PLCG2: variants seen among roughly 807,000 people sequenced by gnomAD.
The protein encoded by PLCG2 is 1-phosphatidylinositol 4,5-bisphosphate phosphodiesterase gamma-2.
Under a neutral mutation model 175.6 loss-of-function variants are expected in PLCG2, and 69 were observed. That is an observed-to-expected ratio of 0.39 (90% confidence interval 0.32 to 0.48). The LOEUF is 0.48. Among genes scored for constraint, PLCG2 ranks in the 20% least tolerant of loss-of-function variants. The probability of loss-of-function intolerance (pLI) is 0.91; values close to 1 mark genes in which losing one functional copy is unlikely to be tolerated. For missense variants in PLCG2, 1,798 were observed against 1,650.9 expected (o/e 1.09, Z -1.54); for synonymous variants, 827 against 624.0 (o/e 1.33, Z -4.85).
At chr16:81,786,208 G>T (rs748925816) in intron 2 of PLCG2, 26 bp downstream of exon 2, 37 of 1,603,184 alleles carry the variant, frequency 2.3e-5, no homozygotes, top group Non-Finnish European at 3.2e-5. Flanking sequence ...GTGGGGCAGT[G>T]TGGCCCGTCC....
Position 81,910,709 on chromosome 16 carries a change from C to T in PLCG2, c.1923C>T (p.His641=), listed in dbSNP as rs374927413. The T allele has an allele frequency of 2.1e-4, 344 of 1,608,850 alleles. No individual in the cohort carries two copies. The highest frequency in any genetic ancestry group is 2.4e-4 in the Non-Finnish European group (288 of 1,179,934). The change falls in exon 18 of 33, where the codon CAC becomes CAT. Residue 641 remains histidine, a synonymous_variant. Coordinates refer to ENST00000564138, the MANE Select transcript of PLCG2 (RefSeq NM_002661.5). ...LTDPVPNPNP[H]ESKPWYYDSL... is the part of the protein sequence containing the mutation. ...ACCCTGTGCCCAACCCCAACCCCCACGAGTCCAAGCCGTACGTGTCTGAGG... is the reference window on the plus strand; with the variant it reads ...ACCCTGTGCCCAACCCCAACCCCCATGAGTCCAAGCCGTACGTGTCTGAGG...
chr16:81,888,732 A>G lies in PLCG2; in HGVS notation c.766-440A>G, dbSNP rs374727335. On this transcript the variant is annotated intron_variant, in intron 9 of 32. Coordinates refer to ENST00000564138, the MANE Select transcript of PLCG2 (RefSeq NM_002661.5). ...GACCTGGAAGGCTGATGTAACTACT[A>G]TGCCCCCAGGCTGCTTCATACTAAC... 3.6e-4 allele frequency among the ~76,000 whole-genome samples: 55 copies of G among 152,350 alleles called. 1 individual carries two copies. The South Asian group carries it at 8.5e-3, about 24-fold the overall frequency.
intron 19 of PLCG2, among the ~76,000 whole-genome samples, chr16:81,916,930 G>T (rs541506109): frequency 6.6e-6 from 1 of 152,090 alleles, no homozygotes; most frequent in Non-Finnish European, 1.5e-5. Context: ...GAGCCACCAC[G>T]CCCGGCCAGG....
At chr16:81,883,957 G>C (rs1193258915) in intron 9 of PLCG2, among the ~76,000 whole-genome samples, 1 of 152,202 alleles carries the variant, frequency 6.6e-6, no homozygotes, top group South Asian at 2.1e-4. Context: ...ATGGGTGCGT[G>C]TCACAGCGGG....
chr16:81,805,513 A>C (rs1187419036), intron 2 of PLCG2, among the ~76,000 whole-genome samples: 2 of 150,658 alleles, frequency 1.3e-5, no homozygotes, highest in Non-Finnish European at 3.0e-5. Context: ...AAAAAAAAAA[A>C]AAAAACAAAA....
chr16:81,758,078 C>T (rs147125083), intron 2 of PLCG2, among the ~76,000 whole-genome samples: 36 of 152,288 alleles, frequency 2.4e-4, no homozygotes, highest in African/African-American at 8.2e-4. Context: ...CGGGCTCAAG[C>T]GATCCTCCCA....
At chr16:81,948,921 C>T (rs953122410) in intron 31 of PLCG2, among the ~76,000 whole-genome samples, 1 of 152,166 alleles carries the variant, frequency 6.6e-6, no homozygotes, top group African/African-American at 2.4e-5. Context: ...CCAGTGGAAA[C>T]CTCAGATGAT....
At chr16:81,771,176 G>A (rs1910273231) in intron 2 of PLCG2, among the ~76,000 whole-genome samples, 1 of 152,156 alleles carries the variant, frequency 6.6e-6, no homozygotes, top group Admixed American at 6.5e-5. Context: ...GAACATCGCA[G>A]CCCTCAAGGT....
chr16:81,850,769 C>G (rs978855278), intron 2 of PLCG2, among the ~76,000 whole-genome samples: 2 of 152,148 alleles, frequency 1.3e-5, no homozygotes, highest in African/African-American at 4.8e-5. Flanking sequence ...TTGCATATCT[C>G]ATTAGCGTGT....
chr16:81,946,063 T>G (rs985798218), intron 30 of PLCG2, 112 bp from the exon 31 acceptor site: 1 of 794,386 alleles, frequency 1.3e-6, no homozygotes, highest in Non-Finnish European at 2.2e-6. Context: ...CATGGGGCAC[T>G]GACTTCTCTA....
intron 30 of PLCG2, 55 bp downstream of exon 30, chr16:81,940,114 T>C: frequency 7.1e-7 from 1 of 1,415,924 alleles, no homozygotes; most frequent in Non-Finnish European, 9.9e-7. Context: ...TACTTTGGTT[T>C]GGCTGCTGGC....
At chr16:81,909,808 G>T (rs1421193965) in intron 17 of PLCG2, among the ~76,000 whole-genome samples, 1 of 152,190 alleles carries the variant, frequency 6.6e-6, no homozygotes, top group East Asian at 1.9e-4. Context: ...TGTGTGTGTG[G>T]TCTCGTTTAC....
At chr16:81,763,977 C>T (rs1037602842) in intron 2 of PLCG2, among the ~76,000 whole-genome samples, 8 of 151,098 alleles carry the variant, frequency 5.3e-5, no homozygotes, top group African/African-American at 1.9e-4. Flanking sequence ...AAAACAAAAA[C>T]AAAAACAAAC....
Position 81,919,480 on chromosome 16 carries a change from C to A in PLCG2, c.2055-4C>A, listed in dbSNP as rs1395596333. ...ATGTCAACCCTGTGTTCTTCCTGCT[C>A]CAGGGCTAGGGGCAAGGTAAAGCAT... is the stretch of plus-strand genomic sequence containing the variant. On this transcript the variant is annotated splice_polypyrimidine_tract_variant and splice_region_variant and intron_variant, in intron 19 of 32. Coordinates refer to ENST00000564138, the MANE Select transcript of PLCG2 (RefSeq NM_002661.5). The A allele has an allele frequency of 6.2e-7, 1 of 1,612,068 alleles. No individual in the cohort carries two copies. Among genetic ancestry groups the A allele is most frequent in the South Asian group, 1.1e-5 (1 of 90,982 alleles).
chr16:81,795,699 C>CT (rs1186393002), intron 2 of PLCG2, among the ~76,000 whole-genome samples: 2,397 of 147,340 alleles, frequency 0.016, 53 homozygotes, highest in African/African-American at 0.054. Flanking sequence ...CTCCCACCTG[C>CT]TTTTTTTTTT....
chr16:81,793,435 G>C (rs753201337), intron 2 of PLCG2, among the ~76,000 whole-genome samples: 2 of 152,196 alleles, frequency 1.3e-5, no homozygotes, highest in East Asian at 1.9e-4. Context: ...AGCCGATGTG[G>C]TGCCACCTGT....
At chr16:81,874,659 C>T (rs779187090) in intron 7 of PLCG2, among the ~76,000 whole-genome samples, 41 of 152,148 alleles carry the variant, frequency 2.7e-4, no homozygotes, top group Admixed American at 1.8e-3. Context: ...GACTTATAAT[C>T]CCCAGAACTA....
At chr16:81,829,343 A>C (rs996259740) in intron 2 of PLCG2, among the ~76,000 whole-genome samples, 1 of 152,162 alleles carries the variant, frequency 6.6e-6, no homozygotes, top group African/African-American at 2.4e-5. Context: ...TCCTGACTTC[A>C]GGTGATCTGC....
intron 1 of PLCG2, among the ~76,000 whole-genome samples, chr16:81,782,368 A>C (rs1910776074): frequency 6.6e-6 from 1 of 152,238 alleles, no homozygotes. Flanking sequence ...CAGGAACAAA[A>C]AAGGGATTTC....
Sources: gnomAD v4.1 joint callset for allele counts (sites outside exome capture counted in the v4.1 genomes callset) on GRCh38, gnomAD v4.1.1 for gene constraint, MANE v1.5 for transcripts, NCBI Gene and HGNC (gene_info 2026-07-23, HGNC 2026-07-21) for gene names.